The following NDST3 variants were observed in gnomAD, a reference collection of about 807,000 sequenced individuals.
NDST3 encodes the protein N-deacetylase and N-sulfotransferase 3, also known as bifunctional heparan sulfate N-deacetylase/N-sulfotransferase 3.
NDST3 carries 58 observed loss-of-function variants against 96.1 expected under a neutral mutation model. The observed-to-expected ratio is 0.60, with a 90% CI of 0.49 to 0.75. NDST3 has a LOEUF of 0.75. Among genes scored for constraint, NDST3 ranks in the 30% least tolerant of loss-of-function variants. NDST3 has a pLI of 0.00. For missense variants in NDST3, 788 were observed against 1,034.2 expected (o/e 0.76, Z 3.27); for synonymous variants, 333 against 359.7 (o/e 0.93, Z 0.84).
chr4:118,178,417 G>A (rs1021560050), intron 6 of NDST3, among the ~76,000 whole-genome samples: 1 of 151,960 alleles, frequency 6.6e-6, no homozygotes, highest in Non-Finnish European at 1.5e-5. Flanking sequence ...CCTCACTTAA[G>A]TGGAACCAAA....
chr4:118,130,144 ACT>A (rs1467075408), intron 4 of NDST3, among the ~76,000 whole-genome samples: 2 of 151,568 alleles, frequency 1.3e-5, no homozygotes, highest in Admixed American at 6.6e-5. Flanking sequence ...CCATTTGGCC[ACT>A]CTGTGTCTTT....
At chr4:118,253,978 T>C (rs554669202) in intron 13 of NDST3, among the ~76,000 whole-genome samples, 235 of 152,286 alleles carry the variant, frequency 1.5e-3, no homozygotes, top group Non-Finnish European at 2.7e-3. Context: ...TGGCGGCTCA[T>C]GCCTGTAATC....
In NDST3 at chr4:118,218,479, A is replaced by G. The variant is rs1739332187; in HGVS notation, c.1540-6012A>G. Among the ~76,000 whole-genome samples, 3 of 152,218 alleles carry G rather than the reference A, an allele frequency of 2.0e-5. No individual in the cohort carries two copies. In the South Asian group the frequency reaches 6.2e-4, roughly 31 times the overall value. ...TCAATAGATGCAGAAAAGGCCTTCA[A>G]TAAAATTCAACATCCCTTTATGTTA... On this transcript the variant is annotated intron_variant, in intron 6 of 13. Transcript: ENST00000296499.
chr4:118,114,746 A>G, intron 3 of NDST3, 60 bp from the exon 4 acceptor site: 1 of 1,508,786 alleles, frequency 6.6e-7, no homozygotes, highest in Non-Finnish European at 9.2e-7. Context: ...AGATAAGTAG[A>G]TTGATTGATC....
intron 6 of NDST3, among the ~76,000 whole-genome samples, chr4:118,156,133 T>C (rs1021726490): frequency 2.0e-5 from 3 of 152,200 alleles, no homozygotes; most frequent in Non-Finnish European, 4.4e-5. Context: ...ATCCTTTTTT[T>C]CAATAATTTC....
chr4:118,250,128 TG>T (rs1368836044), intron 12 of NDST3, among the ~76,000 whole-genome samples: 1 of 152,224 alleles, frequency 6.6e-6, no homozygotes, highest in Non-Finnish European at 1.5e-5. Context: ...ATGAGTAATT[TG>T]TATTTTTTGG....
intron 6 of NDST3, among the ~76,000 whole-genome samples, chr4:118,195,288 T>C (rs1266624341): frequency 6.6e-6 from 1 of 152,158 alleles, no homozygotes; most frequent in African/African-American, 2.4e-5. Flanking sequence ...TGTAATAGTC[T>C]CCACTTGTCA....
intron 5 of NDST3, among the ~76,000 whole-genome samples, chr4:118,140,946 A>AC (rs1440498906): frequency 6.6e-6 from 1 of 152,180 alleles, no homozygotes; most frequent in Non-Finnish European, 1.5e-5. Flanking sequence ...CTAAAAAATT[A>AC]GACTACACAT....
At chr4:118,107,589 A>G (rs775624782) in intron 3 of NDST3, among the ~76,000 whole-genome samples, 9 of 152,212 alleles carry the variant, frequency 5.9e-5, no homozygotes, top group Non-Finnish European at 1.2e-4. Flanking sequence ...AAGTCAAGGT[A>G]TAGTACAGTG....
chr4:118,194,009 G>T, intron 6 of NDST3: 2 of 1,174,928 alleles, frequency 1.7e-6, no homozygotes, highest in East Asian at 2.3e-5. Flanking sequence ...CATCTCCCAA[G>T]ACTCCTTGGT....
At chr4:118,212,588 T>C (rs1738873497) in intron 6 of NDST3, among the ~76,000 whole-genome samples, 1 of 152,220 alleles carries the variant, frequency 6.6e-6, no homozygotes, top group Non-Finnish European at 1.5e-5. Flanking sequence ...TCCAATATAA[T>C]GTTTGATAAT....
At chr4:118,120,131 C>T (rs1045150375) in intron 4 of NDST3, among the ~76,000 whole-genome samples, 13 of 151,832 alleles carry the variant, frequency 8.6e-5, no homozygotes, top group African/African-American at 2.4e-4. Context: ...TAAAAGTAAA[C>T]GTTTCTTCTA....
intron 2 of NDST3, among the ~76,000 whole-genome samples, chr4:118,062,286 C>T (rs1430950403): frequency 6.6e-6 from 1 of 152,086 alleles, no homozygotes; most frequent in African/African-American, 2.4e-5. Flanking sequence ...CTTCACAATG[C>T]CTAATTAAGT....
chr4:118,145,588 T>G (rs948992128), intron 6 of NDST3, among the ~76,000 whole-genome samples: 1 of 152,198 alleles, frequency 6.6e-6, no homozygotes, highest in African/African-American at 2.4e-5. Context: ...AACCTTACAG[T>G]AAAGTTTATG....
At chr4:118,240,066 G>A (rs754487417) in intron 10 of NDST3, among the ~76,000 whole-genome samples, 5 of 151,834 alleles carry the variant, frequency 3.3e-5, no homozygotes, top group Non-Finnish European at 5.9e-5. Flanking sequence ...ATTTAAAAGA[G>A]CTGATAGGCC....
intron 2 of NDST3, among the ~76,000 whole-genome samples, chr4:118,074,709 C>T (rs1470713853): frequency 6.6e-6 from 1 of 152,024 alleles, no homozygotes; most frequent in Non-Finnish European, 1.5e-5. Context: ...CATTCTGTGC[C>T]TTTTAATTGG....
intron 5 of NDST3, among the ~76,000 whole-genome samples, chr4:118,140,859 A>G (rs1191339103): frequency 6.6e-6 from 1 of 152,204 alleles, no homozygotes; most frequent in African/African-American, 2.4e-5. Context: ...CCCTTGACAT[A>G]TGAGTATTAT....
intron 2 of NDST3, among the ~76,000 whole-genome samples, chr4:118,082,556 C>T (rs749259321): frequency 3.9e-5 from 6 of 152,068 alleles, no homozygotes; most frequent in Non-Finnish European, 8.8e-5. Context: ...GTGACCTTTG[C>T]CACAGAAGTA....
chr4:118,044,967 T>G (rs948947496), intron 1 of NDST3, among the ~76,000 whole-genome samples: 3 of 152,128 alleles, frequency 2.0e-5, no homozygotes, highest in Non-Finnish European at 4.4e-5. Context: ...CTCCCAACAC[T>G]GTTGCATTGG....
Sources: gnomAD v4.1 joint callset for allele counts (sites outside exome capture counted in the v4.1 genomes callset) on GRCh38, gnomAD v4.1.1 for gene constraint, MANE v1.5 for transcripts, NCBI Gene and HGNC (gene_info 2026-07-23, HGNC 2026-07-21) for gene names.